USP13: variants seen among roughly 807,000 people sequenced by gnomAD.
USP13 encodes the protein ubiquitin carboxyl-terminal hydrolase 13.
A neutral mutation model predicts 107.8 loss-of-function variants in USP13; 68 were observed. The observed-to-expected ratio is 0.63, with a 90% CI of 0.52 to 0.77. The LOEUF is 0.77. Among genes scored for constraint, USP13 ranks in the 30% least tolerant of loss-of-function variants. The pLI is 0.00. For missense variants in USP13, 945 were observed against 1,093.3 expected (o/e 0.86, Z 1.91); for synonymous variants, 377 against 389.5 (o/e 0.97, Z 0.38).
intron 4 of USP13, among the ~76,000 whole-genome samples, chr3:179,702,056 G>A (rs1174227624): frequency 6.6e-6 from 1 of 151,498 alleles, no homozygotes; most frequent in African/African-American, 2.4e-5. Flanking sequence ...GTCTCGCTCT[G>A]TTGCCCAGGC....
chr3:179,725,435 G>T (rs964692674), intron 8 of USP13, among the ~76,000 whole-genome samples: 1 of 152,124 alleles, frequency 6.6e-6, no homozygotes, highest in Non-Finnish European at 1.5e-5. Flanking sequence ...CTGAAGTTTG[G>T]TTTATGTCTT....
intron 8 of USP13, among the ~76,000 whole-genome samples, chr3:179,728,208 C>T (rs1214322755): frequency 6.8e-6 from 1 of 147,352 alleles, no homozygotes; most frequent in Admixed American, 6.7e-5. Flanking sequence ...GGCTGACCCC[C>T]CCACCTCCCT....
intron 17 of USP13, among the ~76,000 whole-genome samples, chr3:179,763,048 A>G (rs1185570692): frequency 1.3e-5 from 2 of 152,194 alleles, no homozygotes; most frequent in Non-Finnish European, 2.9e-5. Context: ...TGTCTATTCA[A>G]ATTCTTTGCC....
intron 16 of USP13, among the ~76,000 whole-genome samples, chr3:179,760,138 T>A (rs1403268423): frequency 1.3e-5 from 2 of 152,176 alleles, no homozygotes; most frequent in African/African-American, 4.8e-5. Flanking sequence ...TTGGTGTAAT[T>A]TGAGAACAGT....
intron 15 of USP13, 119 bp from the exon 16 acceptor site, chr3:179,756,933 T>C (rs768920691): frequency 9.3e-6 from 9 of 968,776 alleles, no homozygotes; most frequent in Non-Finnish European, 1.4e-5. Flanking sequence ...TTGACAACAG[T>C]GTGTGGTCCC....
At chr3:179,674,932 G>A (rs955919618) in intron 1 of USP13, among the ~76,000 whole-genome samples, 2 of 152,120 alleles carry the variant, frequency 1.3e-5, no homozygotes, top group Non-Finnish European at 1.5e-5. Context: ...AGCACTTTGG[G>A]AAGCCGAGGC....
At chr3:179,752,232 A>G in intron 13 of USP13, 53 bp from the exon 14 acceptor site, 2 of 1,515,930 alleles carry the variant, frequency 1.3e-6, no homozygotes, top group East Asian at 4.5e-5. Flanking sequence ...TTTGAACTGT[A>G]TTCACAATTC....
At chr3:179,718,239 C>T (rs1014391874) in intron 6 of USP13, among the ~76,000 whole-genome samples, 7 of 151,870 alleles carry the variant, frequency 4.6e-5, no homozygotes, top group Non-Finnish European at 1.0e-4. Context: ...CTGTTGGTAT[C>T]CTGTTCTGAT....
intron 1 of USP13, among the ~76,000 whole-genome samples, chr3:179,658,794 G>A (rs1720366733): frequency 6.6e-6 from 1 of 152,176 alleles, no homozygotes; most frequent in Admixed American, 6.5e-5. Flanking sequence ...GGGTGGAAAA[G>A]CCCTCGCTCT....
chr3:179,667,295 A>T (rs765654063), intron 1 of USP13, among the ~76,000 whole-genome samples: 1 of 152,194 alleles, frequency 6.6e-6, no homozygotes, highest in Non-Finnish European at 1.5e-5. Context: ...GCCATTATTC[A>T]TACTCAAATT....
At chr3:179,656,606 C>T (rs1034904805) in intron 1 of USP13, among the ~76,000 whole-genome samples, 14 of 152,176 alleles carry the variant, frequency 9.2e-5, no homozygotes, top group East Asian at 3.8e-4. Context: ...CCCACCTTGA[C>T]GTGTAGGTTC....
intron 13 of USP13, among the ~76,000 whole-genome samples, chr3:179,749,426 T>A (rs1714519266): frequency 6.6e-6 from 1 of 152,202 alleles, no homozygotes; most frequent in Non-Finnish European, 1.5e-5. Flanking sequence ...TTTCAAGAAA[T>A]ATTTTAATTC....
chr3:179,654,334 A>T (rs892951263), intron 1 of USP13, among the ~76,000 whole-genome samples: 1 of 152,164 alleles, frequency 6.6e-6, no homozygotes, highest in African/African-American at 2.4e-5. Flanking sequence ...GCCCTTCTAA[A>T]TGAGTCACTT....
rs1411666595 is a variant in USP13 at position 179,724,169 on chromosome 3, A to T, written c.1088+2580A>T. 3.3e-5 allele frequency among the ~76,000 whole-genome samples: 5 copies of T among 152,006 alleles called. No individual in the cohort carries two copies. In the East Asian group the frequency reaches 9.7e-4, roughly 29 times the overall value. ...GTGAGATCCTGTCTTTAAAAAAATA[A>T]TAAGAAGGCCGGGTGCAGTGGCTCA... is the stretch of plus-strand genomic sequence containing the variant. On this transcript the variant is annotated intron_variant, in intron 8 of 20. Coordinates refer to ENST00000263966, the MANE Select transcript of USP13 (RefSeq NM_003940.3).
At chr3:179,769,988 C>G (rs9828199) in intron 19 of USP13, among the ~76,000 whole-genome samples, 6,920 of 152,282 alleles carry the variant, frequency 0.045, 538 homozygotes, top group African/African-American at 0.16. Flanking sequence ...ACAAACACAG[C>G]AGGGGGCCAC....
chr3:179,778,505 T>C lies in USP13; in HGVS notation c.2414-3234T>C, dbSNP rs1219584945. ...GTGGCTGGGCATGGTGGCTCATACC[T>C]GTAATCCCAGCACTTTGGGAGGCCG... On this transcript the variant is annotated intron_variant, in intron 19 of 20. Transcript: ENST00000263966. Among the ~76,000 whole-genome samples the C allele has an allele frequency of 9.8e-5, 15 of 152,334 alleles. No homozygotes were observed. The East Asian group carries it at 2.7e-3, about 27-fold the overall frequency.
At position 179,721,245 on chromosome 3, in the gene USP13, C is replaced by T. The variant is rs1172912104; in HGVS notation, c.901-157C>T. On this transcript the variant is annotated intron_variant, in intron 7 of 20. Transcript: ENST00000263966. This position sits in a 1 kb window ranked among gnomAD's most constrained non-coding sequence, Gnocchi z 4.3. ...ATTCACTTTGTTGTGCCACCATCAC[C>T]GTCTCTCAGTCTTTTTTATTTGCAT... Among the ~76,000 whole-genome samples, 6 of 151,996 alleles carry T rather than the reference C, an allele frequency of 3.9e-5. No homozygotes were observed. The highest frequency in any genetic ancestry group is 1.9e-4 in the East Asian group (1 of 5,186).
chr3:179,741,529 G>A lies in USP13; in HGVS notation c.1381-668G>A, dbSNP rs1406121846. On this transcript the variant is annotated intron_variant, in intron 11 of 20. Coordinates refer to ENST00000263966, the MANE Select transcript of USP13 (RefSeq NM_003940.3). ...ACTACCATGCCTGGCTAATTTTTTT[G>A]TATTTTTAGTAGAGACGGGGTTTCA... is the stretch of plus-strand genomic sequence containing the variant. Among the ~76,000 whole-genome samples the A allele has an allele frequency of 3.4e-5, 5 of 148,586 alleles. No homozygotes were observed. In the East Asian group the frequency reaches 1.0e-3, roughly 30 times the overall value.
At chr3:179,740,116 T>C in intron 10 of USP13, 131 bp from the exon 11 acceptor site, 1 of 1,332,290 alleles carries the variant, frequency 7.5e-7, no homozygotes. Flanking sequence ...CCACTATCAT[T>C]ATTTACCTTC....
Sources: gnomAD v4.1 joint callset for allele counts (sites outside exome capture counted in the v4.1 genomes callset) on GRCh38, gnomAD v4.1.1 for gene constraint, Gnocchi (gnomAD v3.1) non-coding constraint, MANE v1.5 for transcripts, NCBI Gene and HGNC (gene_info 2026-07-23, HGNC 2026-07-21) for gene names.